DDIAS: variants seen among roughly 807,000 people sequenced by gnomAD.
The protein encoded by DDIAS is DNA damage-induced apoptosis suppressor protein.
DDIAS carries 14 observed loss-of-function variants against 15.7 expected under a neutral mutation model. The observed-to-expected ratio is 0.89, with a 90% CI of 0.59 to 1.39. The LOEUF (loss-of-function observed/expected upper bound fraction) is 1.39, where lower values mean the gene tolerates loss of function less well. Ranked by LOEUF, DDIAS falls within the 40% of genes most tolerant of loss-of-function variation. DDIAS has a pLI of 0.00. For synonymous variants in DDIAS, 355 were observed against 395.9 expected (o/e 0.90, Z 1.23); for missense variants, 1,035 against 1,130.9 (o/e 0.92, Z 1.22).
At position 82,932,289 on chromosome 11, in the gene DDIAS, A is replaced by C. The variant is rs1861008667; in HGVS notation, c.951A>C (p.Leu317Phe). The C allele has an allele frequency of 1.9e-6, 3 of 1,613,814 alleles. No individual in the cohort carries two copies. Among genetic ancestry groups the C allele is most frequent in the Non-Finnish European group, 2.5e-6 (3 of 1,179,840 alleles). The change falls in exon 6 of 6, where the codon TTA (leucine) becomes TTC (phenylalanine). Residue 317 changes from leucine to phenylalanine, a missense_variant. By Grantham distance (22) the Leu-to-Phe change is conservative (BLOSUM62 0). Coordinates refer to ENST00000533655, the MANE Select transcript of DDIAS (RefSeq NM_145018.4). Reference sequence around the variant, plus strand: ...AAAAGTTGGGTAAAGAACTTGGCTTACAAGCTAAGGAGCTGAGTGCAGTTC... The same window carrying C: ...AAAAGTTGGGTAAAGAACTTGGCTTCCAAGCTAAGGAGCTGAGTGCAGTTC... ...TAEKLGKELG[L>F]QAKELSAVHS...
Position 82,931,713 on chromosome 11 carries a change from T to C in DDIAS, c.394-19T>C. 6.4e-7 allele frequency: 1 copy of C among 1,554,360 alleles called. No individual in the cohort carries two copies. Among genetic ancestry groups the C allele is most frequent in the Non-Finnish European group, 8.7e-7 (1 of 1,153,548 alleles). On this transcript the variant is annotated intron_variant, in intron 5 of 5. Coordinates refer to ENST00000533655, the MANE Select transcript of DDIAS (RefSeq NM_145018.4). The stretch of plus-strand genomic sequence containing the variant: ...AAGACAATTTTATTCTTACTTAAAT[T>C]TCTTTGCTTCTTTCACAGAATTTTG...
chr11:82,902,486 C>G (rs1207720131), intron 1 of DDIAS, among the ~76,000 whole-genome samples: 1 of 151,686 alleles, frequency 6.6e-6, no homozygotes, highest in Non-Finnish European at 1.5e-5. Context: ...TCATATTTGA[C>G]CGAGGCACTC....
At chr11:82,914,874 TGA>T in intron 3 of DDIAS, 23 bp downstream of exon 3, 1 of 1,464,464 alleles carries the variant, frequency 6.8e-7, no homozygotes, top group South Asian at 1.2e-5. Flanking sequence ...TCTGTAAGTG[TGA>T]GAGAGGAAAT....
intron 3 of DDIAS, among the ~76,000 whole-genome samples, chr11:82,918,062 G>C (rs1860666658): frequency 6.6e-6 from 1 of 152,102 alleles, no homozygotes; most frequent in Non-Finnish European, 1.5e-5. Context: ...AGATTGTGAA[G>C]ATTTTCTTCC....
chr11:82,914,373 A>G (rs1270089931), intron 2 of DDIAS, among the ~76,000 whole-genome samples: 2 of 152,358 alleles, frequency 1.3e-5, no homozygotes, highest in African/African-American at 2.4e-5. Flanking sequence ...AAGATGCTCA[A>G]CCGGTAGTTT....
chr11:82,926,174 C>T (rs1860858538), intron 3 of DDIAS, among the ~76,000 whole-genome samples: 1 of 149,078 alleles, frequency 6.7e-6, no homozygotes, highest in Admixed American at 6.8e-5. Flanking sequence ...ACCACAACCT[C>T]TGCCGCCTGA....
At position 82,932,899 on chromosome 11, in the gene DDIAS, T is replaced by C; in HGVS notation, c.1561T>C (p.Ser521Pro). Residue 521 changes from serine to proline, a missense_variant, in exon 6 of 6, where the codon TCT becomes CCT. By Grantham distance (74) the Ser-to-Pro change is moderately conservative. Transcript: ENST00000533655. The stretch of plus-strand genomic sequence containing the variant: ...ACCAGATAACAAAGTAGAGGCTGTC[T>C]CTGTAAATCATAATGGAAGAGATAT... ...SQPDNKVEAV[S>P]VNHNGRDMSE... is the part of the protein sequence containing the mutation. 1 of 1,612,746 alleles carries C rather than the reference T, an allele frequency of 6.2e-7. No individual in the cohort carries two copies. Among genetic ancestry groups the C allele is most frequent in the African/African-American group, 1.3e-5 (1 of 75,028 alleles).
intron 4 of DDIAS, 68 bp downstream of exon 4, chr11:82,929,006 A>G: frequency 2.0e-6 from 3 of 1,503,900 alleles, no homozygotes; most frequent in Middle Eastern, 1.8e-4. Flanking sequence ...TTTATAAGGC[A>G]ATATGCATTT....
intron 3 of DDIAS, among the ~76,000 whole-genome samples, chr11:82,915,624 C>G (rs1345489194): frequency 2.6e-5 from 4 of 152,218 alleles, no homozygotes; most frequent in East Asian, 1.9e-4. Flanking sequence ...GCCACTCTCT[C>G]AAGCACTCAT....
chr11:82,906,097 GTAAA>G lies in DDIAS; in HGVS notation c.-117+4290_-117+4293del, dbSNP rs770311273. Among the ~76,000 whole-genome samples, 6 of 152,072 alleles carry G rather than the reference GTAAA, an allele frequency of 3.9e-5. No individual in the cohort carries two copies. In the East Asian group the frequency reaches 7.7e-4, roughly 20 times the overall value. ...GTATAAAAACACCCCCAGAGCCTAG[GTAAA>G]TAAATAAATAAATACAAAAATAAAC... On this transcript the variant is annotated intron_variant, in intron 1 of 5. Coordinates refer to ENST00000533655, the MANE Select transcript of DDIAS (RefSeq NM_145018.4).
chr11:82,921,662 C>T (rs1860756345), intron 3 of DDIAS, among the ~76,000 whole-genome samples: 1 of 149,788 alleles, frequency 6.7e-6, no homozygotes, highest in Non-Finnish European at 1.5e-5. Context: ...ACTGCACCCT[C>T]CGCCCCCCCA....
intron 3 of DDIAS, 56 bp from the exon 4 acceptor site, chr11:82,928,721 A>T: frequency 6.4e-7 from 1 of 1,559,744 alleles, no homozygotes; most frequent in East Asian, 2.3e-5. Flanking sequence ...TGGATTTTTC[A>T]TCATATGAAA....
chr11:82,921,571 C>CTTTTTT lies in DDIAS; in HGVS notation c.113+6739_113+6744dup, dbSNP rs968751055. Reference sequence around the variant, plus strand: ...CTTTTCACAGTTTTTTTCTTTCTTTCTTTTTTTTTTTTTTTTTTTTTTTTG... The same window carrying CTTTTTT: ...CTTTTCACAGTTTTTTTCTTTCTTTCTTTTTTTTTTTTTTTTTTTTTTTTTTTTTTG... On this transcript the variant is annotated intron_variant, in intron 3 of 5. Transcript: ENST00000533655. Among the ~76,000 whole-genome samples, 89 of 78,120 alleles carry CTTTTTT rather than the reference C, an allele frequency of 1.1e-3. 1 individual carries two copies. Among genetic ancestry groups the CTTTTTT allele is most frequent in the Non-Finnish European group, 1.4e-3 (59 of 41,708 alleles). The allele number at this position is 78,120 out of a possible 152,430, so 51.2% of individuals were successfully genotyped here.
intron 5 of DDIAS, among the ~76,000 whole-genome samples, chr11:82,930,881 T>G (rs2121367382): frequency 6.6e-6 from 1 of 152,028 alleles, no homozygotes; most frequent in Non-Finnish European, 1.5e-5. Context: ...AACAGAAGAG[T>G]GAGAAAAATC....
At chr11:82,912,682 T>G (rs1270340106) in intron 1 of DDIAS, among the ~76,000 whole-genome samples, 1 of 152,232 alleles carries the variant, frequency 6.6e-6, no homozygotes, top group African/African-American at 2.4e-5. Context: ...CACTTTTAAT[T>G]TCCTTCAATA....
chr11:82,921,049 TG>T (rs1435886026), intron 3 of DDIAS, among the ~76,000 whole-genome samples: 1 of 152,232 alleles, frequency 6.6e-6, no homozygotes, highest in Non-Finnish European at 1.5e-5. Flanking sequence ...TTTATAAATT[TG>T]GGAGCTCCAG....
chr11:82,913,944 T>C (rs1469154023), intron 2 of DDIAS: 4 of 443,670 alleles, frequency 9.0e-6, no homozygotes, highest in South Asian at 6.4e-5. Context: ...ATACTTTTTT[T>C]TTTCTTTTTT....
chr11:82,919,218 T>G (rs7131246), intron 3 of DDIAS, among the ~76,000 whole-genome samples: 2 of 152,082 alleles, frequency 1.3e-5, no homozygotes, highest in African/African-American at 4.8e-5. Flanking sequence ...TTCATTGTTA[T>G]GTTGGCTGTG....
chr11:82,932,530 C>A lies in DDIAS; in HGVS notation c.1192C>A (p.Leu398Ile), dbSNP rs775442145. The stretch of plus-strand genomic sequence containing the variant: ...ATGTTGTCCACCTTCGTTACTCAGA[C>A]TTGAAGAGACAGCCAGCAGTTCCCA... ...SACCPPSLLRLEETASSSQDG... is the reference protein window; with the variant it reads ...SACCPPSLLRIEETASSSQDG... The change falls in exon 6 of 6, where the codon CTT becomes ATT. Residue 398 changes from leucine to isoleucine, a missense_variant. Transcript: ENST00000533655. 1 of 1,614,166 alleles carries A rather than the reference C, an allele frequency of 6.2e-7. No individual in the cohort carries two copies. The highest frequency in any genetic ancestry group is 1.1e-5 in the South Asian group (1 of 91,086).
Sources: gnomAD v4.1 joint callset for allele counts (sites outside exome capture counted in the v4.1 genomes callset) on GRCh38, gnomAD v4.1.1 for gene constraint, MANE v1.5 for transcripts, NCBI Gene and HGNC (gene_info 2026-07-23, HGNC 2026-07-21) for gene names.